RNF25: variants seen among roughly 807,000 people sequenced by gnomAD.
RNF25 encodes the protein E3 ubiquitin-protein ligase RNF25.
In RNF25, 32 loss-of-function variants were observed where a neutral mutation model predicts 65.0. That is an observed-to-expected ratio of 0.49 (90% CI 0.37 to 0.66). The LOEUF is 0.66. Among genes scored for constraint, RNF25 ranks in the 30% least tolerant of loss-of-function variants. The pLI is 0.00. For missense variants in RNF25, 493 were observed against 584.8 expected, an observed-to-expected ratio of 0.84 and a Z score of 1.62; for synonymous variants, 207 against 221.2, an observed-to-expected ratio of 0.94 and a Z score of 0.57.
At chr2:218,665,852 GA>G (rs1362848074) in intron 7 of RNF25, 63 bp downstream of exon 7, 16 of 1,557,196 alleles carry the variant, frequency 1.0e-5, no homozygotes, top group Non-Finnish European at 1.3e-5. Flanking sequence ...TGGAGAGATG[GA>G]AAAGTTTGTG....
Position 218,668,237 on chromosome 2 carries a change from A to C in RNF25, c.219+2T>G, listed in dbSNP as rs1575114822. 6.2e-7 allele frequency: 1 copy of C among 1,613,654 alleles called. No individual in the cohort carries two copies. The highest frequency in any genetic ancestry group is 2.2e-5 in the East Asian group (1 of 44,876). ...TTTGCTGCCACACAGTAGGGGCTTC[A>C]CCTCTGCTGGGACCTGAAGCACCAG... is the stretch of plus-strand genomic sequence containing the variant. On this transcript the variant is annotated splice_donor_variant, in intron 3 of 9. Transcript: ENST00000295704. LOFTEE classifies it high-confidence loss of function.
intron 5 of RNF25, among the ~76,000 whole-genome samples, chr2:218,667,454 G>A (rs1017396194): frequency 1.4e-4 from 21 of 151,196 alleles, no homozygotes; most frequent in African/African-American, 3.4e-4. Flanking sequence ...GGGTTCAAGC[G>A]ATTCTCCTTC....
chr2:218,670,859 GGTGCCT>G (rs1939945700), intron 1 of RNF25, among the ~76,000 whole-genome samples: 1 of 151,724 alleles, frequency 6.6e-6, no homozygotes, highest in Non-Finnish European at 1.5e-5. Flanking sequence ...AGTCTTCCCA[GGTGCCT>G]GCACCTCAGT....
chr2:218,664,905 G>A lies in RNF25; in HGVS notation c.667-32C>T, dbSNP rs749606234. 2.6e-5 allele frequency: 42 copies of A among 1,613,036 alleles called. No homozygotes were observed. The highest frequency in any genetic ancestry group is 3.4e-5 in the Non-Finnish European group (40 of 1,179,664). ...GGAAGAATGGCAGAGAGGAAATAAT[G>A]AACAGCAGAAGGCTGACTCAAACCT... On this transcript the variant is annotated intron_variant, in intron 8 of 9. Transcript: ENST00000295704. This position sits in a 1 kb window ranked among gnomAD's most constrained non-coding sequence, Gnocchi z 5.1.
At chr2:218,665,477 C>T (rs1011193678) in intron 7 of RNF25, among the ~76,000 whole-genome samples, 8 of 152,044 alleles carry the variant, frequency 5.3e-5, no homozygotes, top group Non-Finnish European at 7.4e-5. Flanking sequence ...CACGGTGGCT[C>T]GCGCCTGTAA....
At chr2:218,665,893 T>A in intron 7 of RNF25, 23 bp downstream of exon 7, 1 of 1,604,580 alleles carries the variant, frequency 6.2e-7, no homozygotes, top group Non-Finnish European at 8.5e-7. Flanking sequence ...GTCAGATGAG[T>A]GTGCAGGTGC....
intron 5 of RNF25, among the ~76,000 whole-genome samples, chr2:218,667,467 C>T (rs1416789288): frequency 6.6e-6 from 1 of 151,790 alleles, no homozygotes; most frequent in Admixed American, 6.6e-5. Flanking sequence ...TCTCCTTCCT[C>T]AGCCTCCCAA....
rs781495302 is a variant in RNF25, at chr2:218,664,169, G to A, written c.1168C>T (p.His390Tyr). Residue 390 changes from histidine (H) to tyrosine (Y), a missense_variant, in exon 10 of 10, where the codon CAT (histidine) becomes TAT (tyrosine). Coordinates refer to ENST00000295704, the MANE Select transcript of RNF25 (RefSeq NM_022453.3). The surrounding 1 kb of genome is among the most constrained non-coding windows in gnomAD (Gnocchi z 5.1). ...KEPMDLKPEPHSQGVEGPPQE... is the reference protein window; with the variant it reads ...KEPMDLKPEPYSQGVEGPPQE... ...GGAGGACCTTCAACTCCTTGGCTAT[G>A]GGGTTCTGGCTTTAGGTCCATGGGC... 3 of 1,565,574 alleles carry A rather than the reference G, an allele frequency of 1.9e-6. No homozygotes were observed. The highest frequency in any genetic ancestry group is 2.6e-6 in the Non-Finnish European group (3 of 1,160,064).
chr2:218,665,001 A>AGGCTCCCGCCAGTGGGGGATGTGGCTTT, intron 8 of RNF25, 128 bp from the exon 9 acceptor site: 1 of 1,475,702 alleles, frequency 6.8e-7, no homozygotes, highest in Non-Finnish European at 9.3e-7. Flanking sequence ...CCAGAGTCTT[A>AGGCTCCCGCCAGTGGGGGATGTGGCTTT]GGCTCCCGCC....
At chr2:218,669,717 T>A (rs1183320218) in intron 1 of RNF25, among the ~76,000 whole-genome samples, 1 of 152,244 alleles carries the variant, frequency 6.6e-6, no homozygotes, top group Non-Finnish European at 1.5e-5. Context: ...CTGCTCCCTC[T>A]TCATTCTAAG....
rs968029985 is a variant in RNF25, at chr2:218,664,790, T to C, written c.750A>G (p.Gly250=). The C allele has an allele frequency of 1.2e-6, 2 of 1,614,088 alleles. No homozygotes were observed. Among genetic ancestry groups the C allele is most frequent in the South Asian group, 1.1e-5 (1 of 91,080 alleles). ...RLYQRQQERG[G]IIDLEAERNR... is the part of the protein sequence containing the mutation. Reference sequence around the variant, plus strand: ...TTCGCTCAGCCTCAAGGTCAATGATTCCCCCCCGCTCCTGCTGCCTCTGGT... The same window carrying C: ...TTCGCTCAGCCTCAAGGTCAATGATCCCCCCCCGCTCCTGCTGCCTCTGGT... Residue 250 remains glycine (G), a synonymous_variant, in exon 9 of 10, where the codon GGA becomes GGG. Coordinates refer to ENST00000295704, the MANE Select transcript of RNF25 (RefSeq NM_022453.3). This position sits in a 1 kb window ranked among gnomAD's most constrained non-coding sequence, Gnocchi z 5.1.
chr2:218,671,159 G>T (rs1939956987), intron 1 of RNF25, among the ~76,000 whole-genome samples: 1 of 152,148 alleles, frequency 6.6e-6, no homozygotes, highest in Non-Finnish European at 1.5e-5. Context: ...GGGCGAGAGT[G>T]AGACTCTGTC....
chr2:218,670,162 G>A (rs1939914678), intron 1 of RNF25, among the ~76,000 whole-genome samples: 1 of 148,118 alleles, frequency 6.8e-6, no homozygotes, highest in African/African-American at 2.5e-5. Flanking sequence ...TCTTGCCACT[G>A]TACTCCAGCC....
intron 8 of RNF25, 95 bp downstream of exon 8, chr2:218,665,060 T>C: frequency 6.9e-7 from 1 of 1,457,786 alleles, no homozygotes; most frequent in South Asian, 1.2e-5. Flanking sequence ...TCAAGCCCAA[T>C]TTCAGAGATC....
chr2:218,668,075 T>C lies in RNF25; in HGVS notation c.287+4A>G. 1 of 1,613,916 alleles carries C rather than the reference T, an allele frequency of 6.2e-7. No individual in the cohort carries two copies. The highest frequency in any genetic ancestry group is 8.5e-7 in the Non-Finnish European group (1 of 1,179,812). On this transcript the variant is annotated splice_donor_region_variant and intron_variant, in intron 4 of 9. Coordinates refer to ENST00000295704, the MANE Select transcript of RNF25 (RefSeq NM_022453.3). ...TTTTCCCTGTTCTGACAGGTTCAAC[T>C]TACGTGTGGATCTGTTCATCTGAAA... is the stretch of plus-strand genomic sequence containing the variant.
intron 2 of RNF25, 74 bp downstream of exon 2, chr2:218,668,531 T>G: frequency 8.5e-7 from 1 of 1,171,142 alleles, no homozygotes; most frequent in South Asian, 1.2e-5. Context: ...CACAATGTCT[T>G]AAGACCCAAA....
At position 218,665,191 on chromosome 2, in the gene RNF25, G is replaced by A. The variant is rs751206304; in HGVS notation, c.630C>T (p.Ala210=). ...VCREPLVYDL[A]SLKAAPEPQQ... ...GGGGTTCAGGGGCTGCTTTCAGTGA[G>A]GCAAGATCATACACGAGGGGCTCTC... Residue 210 remains alanine, a synonymous_variant, in exon 8 of 10, where the codon GCC becomes GCT. Transcript: ENST00000295704. 2 of 1,614,216 alleles carry A rather than the reference G, an allele frequency of 1.2e-6. No homozygotes were observed. The highest frequency in any genetic ancestry group is 1.3e-5 in the African/African-American group (1 of 75,056).
chr2:218,666,722 T>C (rs1408653779), intron 5 of RNF25, among the ~76,000 whole-genome samples: 3 of 152,216 alleles, frequency 2.0e-5, no homozygotes, highest in Non-Finnish European at 4.4e-5. Context: ...AATTGTTATT[T>C]GAATAGCTAA....
chr2:218,668,115 C>T lies in RNF25; in HGVS notation c.251G>A (p.Arg84Gln), dbSNP rs1438203577. The T allele has an allele frequency of 3.0e-5, 48 of 1,614,016 alleles. No homozygotes were observed. Among genetic ancestry groups the T allele is most frequent in the Non-Finnish European group, 3.8e-5 (45 of 1,180,010 alleles). Reference sequence around the variant, plus strand: ...TTCATCTGAAAGTCCTCGGGGATTTCGGATAGAGATCTGTGGCACCTCATG... The same window carrying T: ...TTCATCTGAAAGTCCTCGGGGATTTTGGATAGAGATCTGTGGCACCTCATG... ...YPHEVPQISIRNPRGLSDEQI... is the reference protein window; with the variant it reads ...YPHEVPQISIQNPRGLSDEQI... Residue 84 changes from arginine to glutamine, a missense_variant, in exon 4 of 10, where the codon CGA becomes CAA. Coordinates refer to ENST00000295704, the MANE Select transcript of RNF25 (RefSeq NM_022453.3).
Sources: allele counts gnomAD v4.1 joint callset (sites outside exome capture counted in the v4.1 genomes callset), GRCh38; gene constraint gnomAD v4.1.1; non-coding constraint Gnocchi (gnomAD v3.1); transcripts MANE v1.5; gene names NCBI Gene and HGNC (gene_info 2026-07-23, HGNC 2026-07-21).